The following SLC23A2 variants were observed in gnomAD, a reference collection of about 807,000 sequenced individuals.
SLC23A2 encodes the protein Na(+)/L-ascorbic acid transporter 2.
A neutral mutation model predicts 73.3 loss-of-function variants in SLC23A2; 36 were observed. That is an observed-to-expected ratio of 0.49 (90% CI 0.38 to 0.65). SLC23A2 has a LOEUF of 0.65. Ranked by LOEUF, SLC23A2 falls within the 30% of genes least tolerant of loss-of-function variation. The pLI, the probability that SLC23A2 is intolerant of heterozygous loss-of-function variation, is 0.00. For missense variants in SLC23A2, 507 were observed against 841.6 expected (o/e 0.60, Z 4.92); for synonymous variants, 343 against 327.3 (o/e 1.05, Z -0.52).
chr20:4,957,222 G>A (rs575886774), intron 2 of SLC23A2, among the ~76,000 whole-genome samples: 1 of 152,208 alleles, frequency 6.6e-6, no homozygotes, highest in African/African-American at 2.4e-5. Flanking sequence ...TGGGGGGCTT[G>A]AGTCAGGAGG....
chr20:4,882,672 C>T (rs1021909472), intron 9 of SLC23A2, among the ~76,000 whole-genome samples: 5 of 152,148 alleles, frequency 3.3e-5, no homozygotes, highest in African/African-American at 9.7e-5. Context: ...CACATTACGT[C>T]GTGGTGCTCA....
intron 1 of SLC23A2, among the ~76,000 whole-genome samples, chr20:4,993,102 C>T (rs1170561878): frequency 1.3e-5 from 2 of 151,574 alleles, no homozygotes; most frequent in Non-Finnish European, 2.9e-5. Flanking sequence ...CACAGTGAAA[C>T]CCCGTCTCTA....
upstream of SLC23A2, among the ~76,000 whole-genome samples, chr20:5,003,583 G>A (rs1200070171): frequency 6.6e-6 from 1 of 151,654 alleles, no homozygotes; most frequent in African/African-American, 2.4e-5. Flanking sequence ...TAGAAGGGAA[G>A]GGAAGTTCCA....
At chr20:5,006,788 G>C (rs1374625536) in intron 1 of SLC23A2, among the ~76,000 whole-genome samples, 1 of 152,022 alleles carries the variant, frequency 6.6e-6, no homozygotes, top group African/African-American at 2.4e-5. Context: ...TGAACCACCT[G>C]CCTTGGCCTC....
chr20:4,898,503 C>T (rs1383385809), intron 6 of SLC23A2, among the ~76,000 whole-genome samples: 2 of 152,222 alleles, frequency 1.3e-5, no homozygotes, highest in Non-Finnish European at 2.9e-5. Flanking sequence ...AGGCCTTACT[C>T]AGCCTGTCTC....
At chr20:4,950,026 C>T (rs888047928) in intron 2 of SLC23A2, among the ~76,000 whole-genome samples, 10 of 152,172 alleles carry the variant, frequency 6.6e-5, no homozygotes, top group African/African-American at 1.4e-4. Context: ...TGTATAACCG[C>T]ACCACCTCAT....
chr20:4,925,772 A>C (rs1300400329), intron 3 of SLC23A2, among the ~76,000 whole-genome samples: 1 of 152,172 alleles, frequency 6.6e-6, no homozygotes, highest in African/African-American at 2.4e-5. Flanking sequence ...GCACACCCTC[A>C]GCTGAGAGGC....
intron 6 of SLC23A2, among the ~76,000 whole-genome samples, chr20:4,889,686 C>T (rs1413594999): frequency 6.6e-6 from 1 of 151,890 alleles, no homozygotes; most frequent in Non-Finnish European, 1.5e-5. Flanking sequence ...GGTGCACTCC[C>T]CACAAGCTGT....
chr20:4,878,859 A>G (rs1930761264), intron 9 of SLC23A2, among the ~76,000 whole-genome samples: 1 of 152,186 alleles, frequency 6.6e-6, no homozygotes, highest in Non-Finnish European at 1.5e-5. Context: ...GGACCACAGT[A>G]TTATTTATGA....
At chr20:4,945,003 A>T (rs80124839) in intron 2 of SLC23A2, among the ~76,000 whole-genome samples, 1 of 98,172 alleles carries the variant, frequency 1.0e-5, no homozygotes, top group Non-Finnish European at 1.8e-5. Context: ...TGAATTCTCA[A>T]AAAAAAAAAA....
At chr20:5,003,665 T>G (rs1227529174), upstream of SLC23A2, among the ~76,000 whole-genome samples, 1 of 152,060 alleles carries the variant, frequency 6.6e-6, no homozygotes, top group African/African-American at 2.4e-5. Flanking sequence ...GAATCTTCAG[T>G]GTCTCCCTCT....
At chr20:4,942,184 T>C (rs1439464382) in intron 2 of SLC23A2, among the ~76,000 whole-genome samples, 1 of 152,142 alleles carries the variant, frequency 6.6e-6, no homozygotes, top group Non-Finnish European at 1.5e-5. Flanking sequence ...CTTTCTGCTG[T>C]GAGCTCAGGA....
At chr20:4,956,587 G>C (rs74712867) in intron 2 of SLC23A2, among the ~76,000 whole-genome samples, 3,902 of 151,916 alleles carry the variant, frequency 0.026, 166 homozygotes, top group African/African-American at 0.09. Context: ...ATTTCATTAA[G>C]AGGTGTCAGA....
Position 4,953,036 on chromosome 20 carries a change from G to A in SLC23A2, c.-155+17757C>T, listed in dbSNP as rs145029968. ...AGACTCAAAAAAAAAGGCCTGGCGC[G>A]GTGACTCATGCCTGTAATCCCAGCA... On this transcript the variant is annotated intron_variant, in intron 2 of 16. Transcript: ENST00000338244. Among the ~76,000 whole-genome samples, 627 of 142,630 alleles carry A rather than the reference G, an allele frequency of 4.4e-3. 5 individuals carry two copies. Among genetic ancestry groups the A allele is most frequent in the African/African-American group, 0.015 (574 of 38,260 alleles). 93.6% of individuals were successfully genotyped at this position (142,630 alleles called of 152,430 possible). A position where few individuals can be genotyped will look rare whatever the true frequency, so the allele number is the denominator to read the frequency against.
intron 11 of SLC23A2, among the ~76,000 whole-genome samples, chr20:4,871,715 G>A (rs1930454308): frequency 6.6e-6 from 1 of 152,168 alleles, no homozygotes; most frequent in Non-Finnish European, 1.5e-5. Flanking sequence ...AAGGTACGCA[G>A]GTTGATGGAT....
chr20:4,993,752 A>G (rs1230235376), intron 1 of SLC23A2, among the ~76,000 whole-genome samples: 1 of 152,200 alleles, frequency 6.6e-6, no homozygotes, highest in Admixed American at 6.5e-5. Context: ...AGCAATGTCT[A>G]TAAATATAAA....
Position 4,874,068 on chromosome 20 carries a change from A to G in SLC23A2, c.970T>C (p.Trp324Arg). The G allele has an allele frequency of 6.2e-7, 1 of 1,613,908 alleles. No homozygotes were observed. The highest frequency in any genetic ancestry group is 8.5e-7 in the Non-Finnish European group (1 of 1,179,848). ...ACCGTGAAGATGAAGCAGAGCAGCCAGGATACCAGGATGGCCAGGATGATC... is the reference window on the plus strand; with the variant it reads ...ACCGTGAAGATGAAGCAGAGCAGCCGGGATACCAGGATGGCCAGGATGATC... ...FPIILAILVSWLLCFIFTVTD... is the reference protein window; with the variant it reads ...FPIILAILVSRLLCFIFTVTD... The change falls in exon 11 of 17, where the codon TGG (tryptophan) becomes CGG (arginine). Residue 324 changes from tryptophan (W) to arginine (R), a missense_variant. Physicochemically the swap from Trp to Arg is moderately radical, Grantham distance 101 (BLOSUM62 -3). Transcript: ENST00000338244.
In SLC23A2 at chr20:4,892,808, G is replaced by A. The variant is rs140031364; in HGVS notation, c.482+6747C>T. 3.3e-5 allele frequency among the ~76,000 whole-genome samples: 5 copies of A among 152,170 alleles called. No individual in the cohort carries two copies. In the East Asian group the frequency reaches 5.8e-4, roughly 18 times the overall value. ...GGAATCTTTTTAAAAAGATGATGAC[G>A]TGGGGAGGAAAAAGGTGGAGACAGC... On this transcript the variant is annotated intron_variant, in intron 6 of 16. Coordinates refer to ENST00000338244, the MANE Select transcript of SLC23A2 (RefSeq NM_005116.6).
At chr20:4,898,165 T>TG (rs1931617603) in intron 6 of SLC23A2, among the ~76,000 whole-genome samples, 1 of 152,180 alleles carries the variant, frequency 6.6e-6, no homozygotes, top group Non-Finnish European at 1.5e-5. Context: ...CCCTGCCCCC[T>TG]GGGGGGTTTG....
Sources: allele counts gnomAD v4.1 joint callset (sites outside exome capture counted in the v4.1 genomes callset), GRCh38; gene constraint gnomAD v4.1.1; transcripts MANE v1.5; gene names NCBI Gene and HGNC (gene_info 2026-07-23, HGNC 2026-07-21).